PRR5L: variants seen among roughly 807,000 people sequenced by gnomAD.
PRR5L encodes proline rich 5 like.
A neutral mutation model predicts 36.4 loss-of-function variants in PRR5L; 21 were observed. The ratio of observed to expected loss-of-function variants is 0.58; its 90% CI spans 0.41 to 0.83. The LOEUF is 0.83. Among genes scored for constraint, PRR5L ranks in the 40% least tolerant of loss-of-function variants. The pLI is 0.00. For missense variants in PRR5L, 381 were observed against 473.3 expected, an observed-to-expected ratio of 0.80 and a Z score of 1.81; for synonymous variants, 188 against 197.0, an observed-to-expected ratio of 0.95 and a Z score of 0.38.
intron 3 of PRR5L, among the ~76,000 whole-genome samples, chr11:36,409,718 C>T (rs1857985894): frequency 6.6e-6 from 1 of 152,188 alleles, no homozygotes; most frequent in African/African-American, 2.4e-5. Flanking sequence ...CTTGCTTAGC[C>T]TTTTAGTATA....
chr11:36,417,752 G>T (rs998843310), intron 3 of PRR5L, among the ~76,000 whole-genome samples: 7 of 152,140 alleles, frequency 4.6e-5, no homozygotes, highest in Non-Finnish European at 7.3e-5. Context: ...ATAACATCTT[G>T]CTGTAACCTC....
chr11:36,362,432 G>A (rs923387331), intron 1 of PRR5L, among the ~76,000 whole-genome samples: 1 of 151,720 alleles, frequency 6.6e-6, no homozygotes, highest in African/African-American at 2.4e-5. Context: ...TTGGCGGGGT[G>A]GGGGTGGGCG....
chr11:36,390,721 C>A (rs1564933490), intron 1 of PRR5L, among the ~76,000 whole-genome samples: 1 of 152,138 alleles, frequency 6.6e-6, no homozygotes, highest in African/African-American at 2.4e-5. Context: ...AATTTATTTT[C>A]TCCAAATGTG....
chr11:36,459,805 A>G (rs547579836), intron 8 of PRR5L, among the ~76,000 whole-genome samples: 1 of 152,210 alleles, frequency 6.6e-6, no homozygotes, highest in Non-Finnish European at 1.5e-5. Context: ...CACCCAGCAT[A>G]GGTGTACACA....
At chr11:36,441,964 A>C (rs182505006) in intron 6 of PRR5L, among the ~76,000 whole-genome samples, 1 of 152,280 alleles carries the variant, frequency 6.6e-6, no homozygotes, top group East Asian at 1.9e-4. Context: ...CTGAGGTAGC[A>C]CTAGGCATCC....
intron 3 of PRR5L, among the ~76,000 whole-genome samples, chr11:36,411,826 A>G (rs1858033889): frequency 6.6e-6 from 1 of 152,078 alleles, no homozygotes; most frequent in Non-Finnish European, 1.5e-5. Context: ...TGCTTTATGA[A>G]TTTCTCCTGG....
chr11:36,440,236 C>T (rs11493515), intron 6 of PRR5L, among the ~76,000 whole-genome samples: 27,930 of 151,872 alleles, frequency 0.18, 2,734 homozygotes, highest in East Asian at 0.41. Flanking sequence ...ACCTCCCCCC[C>T]ACCTATGCTG....
chr11:36,413,488 G>C (rs1408632706), intron 3 of PRR5L, among the ~76,000 whole-genome samples: 1 of 152,092 alleles, frequency 6.6e-6, no homozygotes, highest in Non-Finnish European at 1.5e-5. Context: ...GTTTTGACAT[G>C]GTTCAAAAAT....
At chr11:36,423,632 G>A (rs1435446053) in intron 4 of PRR5L, among the ~76,000 whole-genome samples, 1 of 152,172 alleles carries the variant, frequency 6.6e-6, no homozygotes, top group Admixed American at 6.5e-5. Context: ...AGAGCTAATT[G>A]GGTGAACAGA....
chr11:36,373,971 A>G (rs1288873610), intron 1 of PRR5L, among the ~76,000 whole-genome samples: 1 of 152,250 alleles, frequency 6.6e-6, no homozygotes, highest in African/African-American at 2.4e-5. Flanking sequence ...GATTTGTTTA[A>G]CTGAACCGAT....
At chr11:36,398,294 TGGCCCCACTCCGA>T (rs1857711897) in intron 1 of PRR5L, 1 of 152,458 alleles carries the variant, frequency 6.6e-6, no homozygotes, top group South Asian at 2.1e-4. Context: ...GGACCTGGAC[TGGCCCCACTCCGA>T]GGCCCCATCT....
rs569679933 is a variant in PRR5L at position 36,376,086 on chromosome 11, T to C, written c.-125-24911T>C. Reference sequence around the variant, plus strand: ...ACGCAAGCACGGAGCTCCCTTGACCTGCTGCATCCTCCTCGGCAATTTTTT... The same window carrying C: ...ACGCAAGCACGGAGCTCCCTTGACCCGCTGCATCCTCCTCGGCAATTTTTT... On this transcript the variant is annotated intron_variant, in intron 1 of 8. Transcript: ENST00000530639. 4.3e-5 allele frequency: 51 copies of C among 1,190,616 alleles called. No individual in the cohort carries two copies. The African/African-American group carries it at 7.4e-4, about 17-fold the overall frequency. The allele number at this position is 1,190,616 out of a possible 1,614,324, so 73.8% of individuals were successfully genotyped here. A position where few individuals can be genotyped will look rare whatever the true frequency, so the allele number is the denominator to read the frequency against.
intron 1 of PRR5L, among the ~76,000 whole-genome samples, chr11:36,373,100 T>A (rs1315286606): frequency 1.3e-5 from 2 of 152,092 alleles, no homozygotes; most frequent in Non-Finnish European, 2.9e-5. Flanking sequence ...GCACCTGGGT[T>A]AGGTGCCCAC....
At chr11:36,441,608 G>A (rs1292340392) in intron 6 of PRR5L, among the ~76,000 whole-genome samples, 1 of 152,154 alleles carries the variant, frequency 6.6e-6, no homozygotes, top group African/African-American at 2.4e-5. Context: ...TACCCTTCTT[G>A]GGTCTAGAGG....
At chr11:36,298,184 G>C (rs1249132675) in intron 1 of PRR5L, among the ~76,000 whole-genome samples, 1 of 152,140 alleles carries the variant, frequency 6.6e-6, no homozygotes, top group Non-Finnish European at 1.5e-5. Context: ...AAATATCACA[G>C]ACTGAGGGGC....
At position 36,377,050 on chromosome 11, in the gene PRR5L, G is replaced by T. The variant is rs931207555; in HGVS notation, c.-125-23947G>T. On this transcript the variant is annotated intron_variant, in intron 1 of 8. Coordinates refer to ENST00000530639, the MANE Select transcript of PRR5L (RefSeq NM_001160167.2). This position sits in a 1 kb window ranked among gnomAD's most constrained non-coding sequence, Gnocchi z 5.1. ...GATCATGGGACCTAGGCTGAGCCGG[G>T]AGGTCGAAAAAGAAAGTCGGCTTGT... Among the ~76,000 whole-genome samples, 3 of 152,180 alleles carry T rather than the reference G, an allele frequency of 2.0e-5. No individual in the cohort carries two copies. The highest frequency in any genetic ancestry group is 7.2e-5 in the African/African-American group (3 of 41,446).
intron 1 of PRR5L, among the ~76,000 whole-genome samples, chr11:36,380,146 CTAA>C (rs2133525760): frequency 6.6e-6 from 1 of 152,214 alleles, no homozygotes; most frequent in East Asian, 1.9e-4. Flanking sequence ...TTCAGGGACT[CTAA>C]AATGAGGAGA....
Position 36,464,554 on chromosome 11 carries a change from GA to G in PRR5L, c.*1819del, listed in dbSNP as rs1482351307. ...AAAAATAATCTCTATGTATGTGTTGGATAAAGTCTACAGACTGACTAACATG... is the reference window on the plus strand; with the variant it reads ...AAAAATAATCTCTATGTATGTGTTGGTAAAGTCTACAGACTGACTAACATG... On this transcript the variant is annotated 3_prime_UTR_variant, in exon 9 of 9. Coordinates refer to ENST00000530639, the MANE Select transcript of PRR5L (RefSeq NM_001160167.2). 1 of 152,186 alleles carries G rather than the reference GA, an allele frequency of 6.6e-6. No homozygotes were observed. The highest frequency in any genetic ancestry group is 1.5e-5 in the Non-Finnish European group (1 of 68,044). The allele number at this position is 152,186 out of a possible 1,614,324, so 9.4% of individuals were successfully genotyped here. A position where few individuals can be genotyped will look rare whatever the true frequency, so the allele number is the denominator to read the frequency against.
chr11:36,350,998 A>ATATAGT (rs1856931595), intron 1 of PRR5L, among the ~76,000 whole-genome samples: 1 of 51,802 alleles, frequency 1.9e-5, no homozygotes, highest in Non-Finnish European at 3.3e-5. Context: ...TTATATATTT[A>ATATAGT]TATATATTTA....
Sources: gnomAD v4.1 joint callset for allele counts (sites outside exome capture counted in the v4.1 genomes callset) on GRCh38, gnomAD v4.1.1 for gene constraint, Gnocchi (gnomAD v3.1) non-coding constraint, MANE v1.5 for transcripts, NCBI Gene and HGNC (gene_info 2026-07-23, HGNC 2026-07-21) for gene names.